ERC2: variants seen among roughly 807,000 people sequenced by gnomAD.
ERC2 encodes the protein ELKS/RAB6-interacting/CAST family member 2.
In ERC2, 42 loss-of-function variants were observed where a neutral mutation model predicts 114.8. The ratio of observed to expected loss-of-function variants is 0.37; its 90% CI spans 0.29 to 0.47. The LOEUF (loss-of-function observed/expected upper bound fraction) is 0.47, where lower values mean the gene tolerates loss of function less well. Among genes scored for constraint, ERC2 ranks in the 20% least tolerant of loss-of-function variants. The pLI is 0.99. For missense variants in ERC2, 939 were observed against 1,150.7 expected (o/e 0.82, Z 2.66); for synonymous variants, 454 against 425.5 (o/e 1.07, Z -0.82).
At chr3:55,731,358 T>G (rs1038132225) in intron 15 of ERC2, among the ~76,000 whole-genome samples, 13 of 152,208 alleles carry the variant, frequency 8.5e-5, no homozygotes, top group African/African-American at 3.1e-4. Context: ...TAATGTCAAT[T>G]AGTAGTAGTA....
chr3:56,245,240 T>C (rs1052375924), intron 3 of ERC2, among the ~76,000 whole-genome samples: 4 of 151,540 alleles, frequency 2.6e-5, no homozygotes, highest in African/African-American at 9.7e-5. Flanking sequence ...CTAAGGATCA[T>C]TGTAACACTG....
chr3:55,828,082 G>A (rs1330439186), intron 14 of ERC2, among the ~76,000 whole-genome samples: 1 of 152,200 alleles, frequency 6.6e-6, no homozygotes, highest in African/African-American at 2.4e-5. Flanking sequence ...AATCACGTAA[G>A]TACAAAGAGG....
intron 14 of ERC2, among the ~76,000 whole-genome samples, chr3:55,820,234 T>C (rs746788416): frequency 5.9e-5 from 9 of 151,958 alleles, no homozygotes; most frequent in Non-Finnish European, 1.0e-4. Flanking sequence ...CAAAACAGCA[T>C]TGAGAAACAA....
In ERC2 at chr3:56,280,740, T is replaced by C. The variant is rs575992992; in HGVS notation, c.1074+15279A>G. 2.6e-5 allele frequency among the ~76,000 whole-genome samples: 4 copies of C among 152,354 alleles called. No homozygotes were observed. In the South Asian group the frequency reaches 8.3e-4, roughly 32 times the overall value. The stretch of plus-strand genomic sequence containing the variant: ...TTAGCTTCAGGAGTACTACTGTTAC[T>C]ATTGCTATGGTTATGATATATGCTA... On this transcript the variant is annotated intron_variant, in intron 3 of 17. Transcript: ENST00000288221.
At chr3:55,837,155 T>C (rs1195959769) in intron 14 of ERC2, among the ~76,000 whole-genome samples, 1 of 152,178 alleles carries the variant, frequency 6.6e-6, no homozygotes, top group Admixed American at 6.5e-5. Context: ...ACACTGTTGG[T>C]GGGACTGTAA....
intron 1 of ERC2, among the ~76,000 whole-genome samples, chr3:56,462,792 TA>T (rs1187381503): frequency 6.6e-6 from 1 of 152,164 alleles, no homozygotes; most frequent in Non-Finnish European, 1.5e-5. Context: ...CGGCTGCAAG[TA>T]ATAAGTAGTG....
intron 14 of ERC2, among the ~76,000 whole-genome samples, chr3:55,770,733 G>A (rs975200627): frequency 1.3e-5 from 2 of 152,098 alleles, no homozygotes; most frequent in African/African-American, 4.8e-5. Flanking sequence ...TGCCATGGTG[G>A]TTTGCTGCAC....
At chr3:56,152,017 T>A (rs1275790567) in intron 4 of ERC2, among the ~76,000 whole-genome samples, 1 of 152,194 alleles carries the variant, frequency 6.6e-6, no homozygotes, top group Non-Finnish European at 1.5e-5. Context: ...CATATCTTGA[T>A]TATATTTCAC....
chr3:55,883,339 A>C (rs2063199092), intron 14 of ERC2, among the ~76,000 whole-genome samples: 1 of 152,182 alleles, frequency 6.6e-6, no homozygotes, highest in Admixed American at 6.5e-5. Flanking sequence ...GTAGGAGAAA[A>C]TGTAGGTCAG....
intron 6 of ERC2, among the ~76,000 whole-genome samples, chr3:56,090,773 A>C (rs2077744852): frequency 7.0e-6 from 1 of 143,284 alleles, no homozygotes; most frequent in Admixed American, 7.2e-5. Context: ...GTGATTTTTC[A>C]ATGCTCCCTG....
chr3:55,918,316 G>A (rs1332718155), intron 13 of ERC2, among the ~76,000 whole-genome samples: 2 of 152,040 alleles, frequency 1.3e-5, no homozygotes, highest in Non-Finnish European at 2.9e-5. Context: ...AAAATAAAAA[G>A]GTGGGGGCAG....
intron 14 of ERC2, among the ~76,000 whole-genome samples, chr3:55,822,104 C>T (rs947429915): frequency 2.6e-5 from 4 of 152,092 alleles, no homozygotes; most frequent in Non-Finnish European, 5.9e-5. Context: ...TTACTGGTTT[C>T]ATTAAGTAGC....
At chr3:55,658,846 C>T (rs1016201250) in intron 17 of ERC2, 3 of 152,690 alleles carry the variant, frequency 2.0e-5, no homozygotes, top group Non-Finnish European at 1.5e-5. Flanking sequence ...CTTCCCCAAG[C>T]CCAGTCCCAG....
intron 15 of ERC2, among the ~76,000 whole-genome samples, chr3:55,728,383 G>C (rs2065048666): frequency 6.6e-6 from 1 of 152,186 alleles, no homozygotes; most frequent in Non-Finnish European, 1.5e-5. Context: ...TGGCAGATTT[G>C]ACCCAATTGA....
Position 55,675,298 on chromosome 3 carries a change from G to A in ERC2, c.*39+8496C>T, listed in dbSNP as rs1047807419. ...GAAGCCACAATGAGGGTTGCAGTAAGAGTTTCATAAGAACACCAGGTAGCC... is the reference window on the plus strand; with the variant it reads ...GAAGCCACAATGAGGGTTGCAGTAAAAGTTTCATAAGAACACCAGGTAGCC... On this transcript the variant is annotated intron_variant, in intron 17 of 17. Transcript: ENST00000288221. Among the ~76,000 whole-genome samples, 8 of 152,324 alleles carry A rather than the reference G, an allele frequency of 5.3e-5. No individual in the cohort carries two copies. In the East Asian group the frequency reaches 1.5e-3, roughly 29 times the overall value.
intron 7 of ERC2, among the ~76,000 whole-genome samples, chr3:56,067,038 G>T (rs1237640341): frequency 6.6e-6 from 1 of 152,122 alleles, no homozygotes; most frequent in East Asian, 1.9e-4. Context: ...ATAGGCATGG[G>T]CTCTTTTATG....
At chr3:55,773,293 G>T (rs2068361408) in intron 14 of ERC2, among the ~76,000 whole-genome samples, 1 of 152,140 alleles carries the variant, frequency 6.6e-6, no homozygotes. Context: ...TCTGCCTGGA[G>T]CGCTCTTCCC....
intron 14 of ERC2, among the ~76,000 whole-genome samples, chr3:55,868,368 G>T (rs1386115365): frequency 6.6e-6 from 1 of 152,226 alleles, no homozygotes; most frequent in African/African-American, 2.4e-5. Context: ...TTGTTGACTG[G>T]ATTTAGGAAC....
intron 17 of ERC2, among the ~76,000 whole-genome samples, chr3:55,570,006 G>T (rs962593622): frequency 6.6e-6 from 1 of 151,760 alleles, no homozygotes; most frequent in African/African-American, 2.4e-5. Flanking sequence ...TTACAGGTGT[G>T]TACCACCATG....
Sources: gnomAD v4.1 joint callset for allele counts (sites outside exome capture counted in the v4.1 genomes callset) on GRCh38, gnomAD v4.1.1 for gene constraint, MANE v1.5 for transcripts, NCBI Gene and HGNC (gene_info 2026-07-23, HGNC 2026-07-21) for gene names.